BST1: variants seen among roughly 807,000 people sequenced by gnomAD.
BST1 encodes the protein bone marrow stromal cell antigen 1.
Under a neutral mutation model 40.6 loss-of-function variants are expected in BST1, and 49 were observed. The observed-to-expected ratio is 1.21, with a 90% confidence interval of 0.96 to 1.53. The LOEUF is 1.53. Among genes scored for constraint, BST1 ranks in the 40% most tolerant of loss-of-function variants. The pLI is 0.00. For missense variants in BST1, 423 were observed against 395.9 expected (o/e 1.07, Z -0.58); for synonymous variants, 157 against 159.3 (o/e 0.99, Z 0.11).
At chr4:15,741,288 A>G (rs980392262), downstream of BST1, among the ~76,000 whole-genome samples, 3 of 152,110 alleles carry the variant, frequency 2.0e-5, no homozygotes, top group Non-Finnish European at 4.4e-5. Flanking sequence ...CCATACTTGG[A>G]GTAGAGTAAC....
downstream of BST1, chr4:15,737,780 T>C (rs1318652812): frequency 7.8e-7 from 1 of 1,286,170 alleles, no homozygotes; most frequent in Admixed American, 2.3e-5. Context: ...TTTCTGAACC[T>C]GAACAGGAAA....
the BST1 span, among the ~76,000 whole-genome samples, chr4:15,745,060 T>C: frequency 6.6e-6 from 1 of 152,224 alleles, no homozygotes; most frequent in African/African-American, 2.4e-5. Flanking sequence ...TAAAATTATC[T>C]GCAACTTTGC....
intron 6 of BST1, among the ~76,000 whole-genome samples, chr4:15,717,213 C>T (rs1720563528): frequency 6.6e-6 from 1 of 152,132 alleles, no homozygotes; most frequent in Non-Finnish European, 1.5e-5. Flanking sequence ...CGGGTATTGG[C>T]AAAGTTCTAA....
At chr4:15,726,576 G>T (rs1721126336) in intron 8 of BST1, among the ~76,000 whole-genome samples, 1 of 152,238 alleles carries the variant, frequency 6.6e-6, no homozygotes, top group Non-Finnish European at 1.5e-5. Flanking sequence ...GCAAAGATTA[G>T]TGGTATAGAC....
intron 2 of BST1, 84 bp from the exon 3 acceptor site, chr4:15,707,427 C>A: frequency 6.4e-7 from 1 of 1,559,554 alleles, no homozygotes; most frequent in Non-Finnish European, 8.8e-7. Context: ...AACTGGATTG[C>A]CCAACTTGCC....
Position 15,731,792 on chromosome 4 carries a change from G to C in BST1, c.904G>C (p.Ala302Pro). Residue 302 changes from alanine (A) to proline (P), a missense_variant, in exon 9 of 9, where the codon GCG becomes CCG. Transcript: ENST00000265016. ...CCCAAGTCTTTATACAGAACAAAGG[G>C]CGGGTCTTATCATTCCCCTCTTTCT... ...KAPSLYTEQR[A>P]GLIIPLFLVL... is the part of the protein sequence containing the mutation. The C allele has an allele frequency of 6.2e-7, 1 of 1,613,846 alleles. No individual in the cohort carries two copies. The highest frequency in any genetic ancestry group is 8.5e-7 in the Non-Finnish European group (1 of 1,179,920).
At chr4:15,749,322 A>G in the BST1 span, among the ~76,000 whole-genome samples, 1 of 152,208 alleles carries the variant, frequency 6.6e-6, no homozygotes, top group African/African-American at 2.4e-5. Flanking sequence ...AGACACCAGC[A>G]CTTTCTGCTA....
At chr4:15,731,560 C>T (rs1229055965) in intron 8 of BST1, 180 bp from the exon 9 acceptor site, 3 of 1,029,316 alleles carry the variant, frequency 2.9e-6, no homozygotes, top group African/African-American at 3.2e-5. Flanking sequence ...GGGGTGCTTG[C>T]GCTGGTTTCG....
the BST1 span, among the ~76,000 whole-genome samples, chr4:15,771,597 A>C: frequency 1.3e-5 from 2 of 152,186 alleles, no homozygotes; most frequent in Non-Finnish European, 2.9e-5. Context: ...TCAGAAAGGA[A>C]GACAAAACAA....
At chr4:15,748,023 G>A in the BST1 span, among the ~76,000 whole-genome samples, 1 of 152,072 alleles carries the variant, frequency 6.6e-6, no homozygotes, top group Non-Finnish European at 1.5e-5. Flanking sequence ...AGATTTCAAT[G>A]AGCCATTCCT....
chr4:15,704,227 G>C lies in BST1; in HGVS notation c.188+895G>C, dbSNP rs1577562638. On this transcript the variant is annotated intron_variant, in intron 1 of 8. Transcript: ENST00000265016. ...GGGGGTGTATGTGTATTCTAGAGCT[G>C]AGGAGAGTGTGTGTTCTAGAGATGA... Among the ~76,000 whole-genome samples the C allele has an allele frequency of 2.0e-5, 3 of 146,856 alleles. No individual in the cohort carries two copies. In the East Asian group the frequency reaches 6.3e-4, roughly 31 times the overall value.
the BST1 span, among the ~76,000 whole-genome samples, chr4:15,748,980 A>C: frequency 6.6e-6 from 1 of 152,222 alleles, no homozygotes; most frequent in African/African-American, 2.4e-5. Context: ...GGAGGGAAGC[A>C]GCCCATAAAG....
the BST1 span, among the ~76,000 whole-genome samples, chr4:15,747,141 G>A: frequency 1.3e-5 from 2 of 152,148 alleles, no homozygotes; most frequent in Non-Finnish European, 2.9e-5. Context: ...TGGGAACTGG[G>A]TATCAGACTG....
At chr4:15,756,599 T>A in the BST1 span, among the ~76,000 whole-genome samples, 1 of 152,330 alleles carries the variant, frequency 6.6e-6, no homozygotes, top group South Asian at 2.1e-4. Context: ...TAACTAGTTT[T>A]ATGAAGATGA....
intron 3 of BST1, among the ~76,000 whole-genome samples, chr4:15,707,853 CTCTATA>C (rs1719971803): frequency 9.2e-6 from 1 of 108,358 alleles, no homozygotes; most frequent in African/African-American, 3.5e-5. Flanking sequence ...CTCTCTCTCT[CTCTATA>C]TATATATATA....
At chr4:15,732,997 C>T (rs188391029), downstream of BST1, among the ~76,000 whole-genome samples, 7 of 152,218 alleles carry the variant, frequency 4.6e-5, no homozygotes, top group Admixed American at 3.9e-4. Flanking sequence ...TGCGGACCTT[C>T]GCGGCAAGTG....
chr4:15,709,214 C>A (rs1173833764), intron 3 of BST1, among the ~76,000 whole-genome samples: 1 of 152,092 alleles, frequency 6.6e-6, no homozygotes, highest in Non-Finnish European at 1.5e-5. Flanking sequence ...CGAGGGAAAA[C>A]CTCACTGATA....
chr4:15,743,279 G>C (rs2148902165), downstream of BST1: 1 of 277,000 alleles, frequency 3.6e-6, no homozygotes, highest in Middle Eastern at 7.0e-4. Flanking sequence ...AGAAGGTGAA[G>C]CTTACAGACA....
rs752579125 is a variant in BST1 at position 15,715,237 on chromosome 4, A to C, written c.535-48A>C. The stretch of plus-strand genomic sequence containing the variant: ...GTAAAAAATGCACATTTCATAGCAG[A>C]AAAATGTCACGTCTTTATTTGCTAA... On this transcript the variant is annotated intron_variant, in intron 4 of 8. Coordinates refer to ENST00000265016, the MANE Select transcript of BST1 (RefSeq NM_004334.3). The C allele has an allele frequency of 9.0e-6, 14 of 1,557,138 alleles. No individual in the cohort carries two copies. In the East Asian group the frequency reaches 3.1e-4, roughly 35 times the overall value.
Sources: allele counts gnomAD v4.1 joint callset (sites outside exome capture counted in the v4.1 genomes callset), GRCh38; gene constraint gnomAD v4.1.1; transcripts MANE v1.5; gene names NCBI Gene and HGNC (gene_info 2026-07-23, HGNC 2026-07-21).